Variants in MAML2 observed in about 807,000 individuals in gnomAD.
MAML2 encodes mastermind like transcriptional coactivator 2.
Under a neutral mutation model 96.1 loss-of-function variants are expected in MAML2, and 22 were observed. That is an observed-to-expected ratio of 0.23 (90% CI 0.16 to 0.33). MAML2 has a LOEUF of 0.33. Among genes scored for constraint, MAML2 ranks in the 10% least tolerant of loss-of-function variants. The pLI is 1.00. For missense variants in MAML2, 1,367 were observed against 1,392.4 expected (o/e 0.98, Z 0.29); for synonymous variants, 561 against 521.3 (o/e 1.08, Z -1.04).
chr11:96,316,671 G>A (rs1863636966), intron 1 of MAML2, among the ~76,000 whole-genome samples: 1 of 152,164 alleles, frequency 6.6e-6, no homozygotes, highest in Non-Finnish European at 1.5e-5. Flanking sequence ...TTGCGTAAGG[G>A]GCCTGGATTT....
intron 1 of MAML2, among the ~76,000 whole-genome samples, chr11:96,271,812 G>T (rs1862919011): frequency 6.6e-6 from 1 of 152,074 alleles, no homozygotes; most frequent in Non-Finnish European, 1.5e-5. Context: ...CAGAACAAAA[G>T]CTGAAATCTT....
At position 96,311,613 on chromosome 11, in the gene MAML2, G is replaced by A. The variant is rs550410936; in HGVS notation, c.513+29770C>T. ...TTGTCCAAGCTCCAAGCTGAGGTTC[G>A]AAACACAGTCTTACATGCAGAAATG... On this transcript the variant is annotated intron_variant, in intron 1 of 4. Coordinates refer to ENST00000524717, the MANE Select transcript of MAML2 (RefSeq NM_032427.4). 1.9e-4 allele frequency among the ~76,000 whole-genome samples: 29 copies of A among 152,228 alleles called. 1 individual carries two copies. Among genetic ancestry groups the A allele is most frequent in the Non-Finnish European group, 2.5e-4 (17 of 68,026 alleles).
At chr11:96,126,921 G>C (rs771597679) in intron 1 of MAML2, among the ~76,000 whole-genome samples, 13 of 152,048 alleles carry the variant, frequency 8.5e-5, no homozygotes, top group Non-Finnish European at 1.5e-4. Flanking sequence ...GGGTCAAATG[G>C]TAGGTATGAG....
chr11:96,307,576 A>G (rs914879754), intron 1 of MAML2, among the ~76,000 whole-genome samples: 1 of 152,086 alleles, frequency 6.6e-6, no homozygotes, highest in Non-Finnish European at 1.5e-5. Flanking sequence ...ACTCCGACAC[A>G]TTCCTGAAAC....
chr11:96,202,478 C>G (rs1313425845), intron 1 of MAML2, among the ~76,000 whole-genome samples: 1 of 152,036 alleles, frequency 6.6e-6, no homozygotes, highest in Non-Finnish European at 1.5e-5. Flanking sequence ...TAGGAAAGTG[C>G]TAATTGCTTC....
At chr11:96,087,620 T>C (rs1859638674) in intron 2 of MAML2, among the ~76,000 whole-genome samples, 1 of 152,242 alleles carries the variant, frequency 6.6e-6, no homozygotes, top group Non-Finnish European at 1.5e-5. Flanking sequence ...CGCAGGTATG[T>C]CACCATTTTT....
chr11:96,230,129 T>C (rs1862272313), intron 1 of MAML2, among the ~76,000 whole-genome samples: 1 of 152,168 alleles, frequency 6.6e-6, no homozygotes. Flanking sequence ...CCTGGTCCCA[T>C]TTTTAGAAAG....
At chr11:96,297,233 C>A (rs2135995523) in intron 1 of MAML2, among the ~76,000 whole-genome samples, 1 of 152,188 alleles carries the variant, frequency 6.6e-6, no homozygotes, top group Admixed American at 6.5e-5. Flanking sequence ...TTAATTAATT[C>A]AAAAGTTTTC....
chr11:96,267,267 T>G (rs771418405), intron 1 of MAML2, among the ~76,000 whole-genome samples: 1 of 152,170 alleles, frequency 6.6e-6, no homozygotes, highest in Non-Finnish European at 1.5e-5. Flanking sequence ...CAAAAAATTA[T>G]GTCTCCACTA....
chr11:96,232,470 C>T (rs1591086179), intron 1 of MAML2, among the ~76,000 whole-genome samples: 1 of 111,664 alleles, frequency 9.0e-6, no homozygotes, highest in African/African-American at 3.0e-5. Flanking sequence ...AAAAGGAAGG[C>T]ATTTTTTTTT....
intron 1 of MAML2, among the ~76,000 whole-genome samples, chr11:96,096,638 G>T (rs1158252097): frequency 1.3e-5 from 2 of 152,174 alleles, no homozygotes; most frequent in Non-Finnish European, 2.9e-5. Flanking sequence ...TCTTCAGGAA[G>T]CCAGGGATCT....
chr11:96,172,889 CAT>C (rs1403321794), intron 1 of MAML2, among the ~76,000 whole-genome samples: 1 of 152,204 alleles, frequency 6.6e-6, no homozygotes, highest in Non-Finnish European at 1.5e-5. Flanking sequence ...AGTTCTCTTT[CAT>C]ATGTTTTCCA....
At chr11:95,990,518 T>G (rs1352134448) in intron 3 of MAML2, among the ~76,000 whole-genome samples, 1 of 152,192 alleles carries the variant, frequency 6.6e-6, no homozygotes, top group South Asian at 2.1e-4. Flanking sequence ...TCTGAAATCA[T>G]TTCTAGTAGT....
intron 1 of MAML2, among the ~76,000 whole-genome samples, chr11:96,283,739 T>C (rs974082791): frequency 1.4e-4 from 22 of 152,210 alleles, no homozygotes; most frequent in African/African-American, 3.9e-4. Context: ...TATTATATGC[T>C]AGTGATTCAC....
At chr11:96,278,262 T>C (rs1188944093) in intron 1 of MAML2, among the ~76,000 whole-genome samples, 1 of 152,240 alleles carries the variant, frequency 6.6e-6, no homozygotes, top group Non-Finnish European at 1.5e-5. Flanking sequence ...TATATAAACC[T>C]GACCTTTTGG....
intron 1 of MAML2, among the ~76,000 whole-genome samples, chr11:96,204,296 C>A (rs1861866865): frequency 6.6e-6 from 1 of 152,172 alleles, no homozygotes; most frequent in Non-Finnish European, 1.5e-5. Context: ...CGCGCCAACC[C>A]CTGTACTATG....
chr11:96,113,615 A>G (rs988350774), intron 1 of MAML2, among the ~76,000 whole-genome samples: 3 of 151,384 alleles, frequency 2.0e-5, no homozygotes, highest in Non-Finnish European at 4.4e-5. Context: ...AAAAAAAAAA[A>G]AAAGAAAAGA....
At chr11:95,995,783 A>C (rs1352107218) in intron 2 of MAML2, among the ~76,000 whole-genome samples, 1 of 151,742 alleles carries the variant, frequency 6.6e-6, no homozygotes, top group Non-Finnish European at 1.5e-5. Flanking sequence ...TATTATACCC[A>C]CCCATTTTCC....
chr11:96,127,417 T>C (rs555087152), intron 1 of MAML2, among the ~76,000 whole-genome samples: 1 of 152,302 alleles, frequency 6.6e-6, no homozygotes, highest in South Asian at 2.1e-4. Context: ...CATAGTTACC[T>C]GAGTGAGCTG....
Sources: gnomAD v4.1 joint callset for allele counts (sites outside exome capture counted in the v4.1 genomes callset) on GRCh38, gnomAD v4.1.1 for gene constraint, MANE v1.5 for transcripts, NCBI Gene and HGNC (gene_info 2026-07-23, HGNC 2026-07-21) for gene names.